The following IKZF3 variants were observed in gnomAD, a reference collection of about 807,000 sequenced individuals.
IKZF3 encodes zinc finger protein Aiolos.
IKZF3 carries 10 observed loss-of-function variants against 49.0 expected under a neutral mutation model. The ratio of observed to expected loss-of-function variants is 0.20; its 90% confidence interval spans 0.13 to 0.35. The LOEUF is 0.35. Ranked by LOEUF, IKZF3 falls within the 10% of genes least tolerant of loss-of-function variation. The pLI, the probability that IKZF3 is intolerant of heterozygous loss-of-function variation, is 1.00. For synonymous variants in IKZF3, 209 were observed against 228.2 expected (o/e 0.92, Z 0.76); for missense variants, 498 against 664.8 (o/e 0.75, Z 2.76).
intron 1 of IKZF3, among the ~76,000 whole-genome samples, chr17:39,841,055 T>G (rs748379430): frequency 3.9e-5 from 6 of 152,034 alleles, no homozygotes; most frequent in Non-Finnish European, 7.4e-5. Flanking sequence ...CATGAGCCTG[T>G]AGTCCCAGTC....
intron 1 of IKZF3, among the ~76,000 whole-genome samples, chr17:39,859,590 T>C (rs1397025778): frequency 1.3e-5 from 2 of 152,100 alleles, no homozygotes; most frequent in Admixed American, 1.3e-4. Flanking sequence ...GGTTTTACCA[T>C]GTTGCCCAGG....
At position 39,765,811 on chromosome 17, in the gene IKZF3, T is replaced by G; in HGVS notation, c.1509A>C (p.Glu503Asp). Residue 503 changes from glutamate to aspartate, a missense_variant, in exon 8 of 8, where the codon GAA (glutamate) becomes GAC (aspartate). By Grantham distance (45) the Glu-to-Asp change is conservative. Coordinates refer to ENST00000346872, the MANE Select transcript of IKZF3 (RefSeq NM_012481.5). ...ATATTCACTTCAGCAGGGCTCTGTG[T>G]TCTCCTCTGGCTATGTGAGACGAGA... is the stretch of plus-strand genomic sequence containing the variant. ...YEFSSHIARG[E>D]HRALLK 1 of 1,607,104 alleles carries G rather than the reference T, an allele frequency of 6.2e-7. No individual in the cohort carries two copies. Among genetic ancestry groups the G allele is most frequent in the Non-Finnish European group, 8.5e-7 (1 of 1,174,542 alleles).
intron 3 of IKZF3, among the ~76,000 whole-genome samples, chr17:39,802,563 T>C (rs937273905): frequency 6.7e-5 from 10 of 148,278 alleles, no homozygotes; most frequent in Non-Finnish European, 1.3e-4. Flanking sequence ...GCTGTGTTCA[T>C]GCCATTGCAC....
intron 3 of IKZF3, among the ~76,000 whole-genome samples, chr17:39,819,159 T>C (rs2061745217): frequency 6.6e-6 from 1 of 152,232 alleles, no homozygotes; most frequent in Non-Finnish European, 1.5e-5. Context: ...ATGGAAATTA[T>C]TGGTTTCTTG....
At chr17:39,843,763 C>T (rs1441661187) in intron 1 of IKZF3, among the ~76,000 whole-genome samples, 1 of 150,186 alleles carries the variant, frequency 6.7e-6, no homozygotes, top group Non-Finnish European at 1.5e-5. Flanking sequence ...GCCGAGATGG[C>T]ACCACTGCAC....
At chr17:39,831,272 G>C (rs936130406) in intron 2 of IKZF3, among the ~76,000 whole-genome samples, 1 of 152,022 alleles carries the variant, frequency 6.6e-6, no homozygotes, top group Non-Finnish European at 1.5e-5. Context: ...TACTCAGGAG[G>C]CTGAGGCAGG....
At chr17:39,847,800 A>C (rs1045592634) in intron 1 of IKZF3, among the ~76,000 whole-genome samples, 2 of 152,238 alleles carry the variant, frequency 1.3e-5, no homozygotes, top group Non-Finnish European at 2.9e-5. Context: ...AAAAACATAA[A>C]GGCCAGTAAT....
intron 1 of IKZF3, among the ~76,000 whole-genome samples, chr17:39,855,453 A>G (rs907007001): frequency 6.6e-6 from 1 of 152,120 alleles, no homozygotes; most frequent in Non-Finnish European, 1.5e-5. Flanking sequence ...TCCCTCCCCA[A>G]ATTGGATTAC....
chr17:39,852,674 G>T (rs1158970824), intron 1 of IKZF3, among the ~76,000 whole-genome samples: 3 of 151,930 alleles, frequency 2.0e-5, no homozygotes, highest in Non-Finnish European at 4.4e-5. Context: ...CATTCCCTTG[G>T]CTTTAAATAT....
At chr17:39,842,963 T>C (rs1159144370) in intron 1 of IKZF3, among the ~76,000 whole-genome samples, 1 of 152,160 alleles carries the variant, frequency 6.6e-6, no homozygotes, top group East Asian at 1.9e-4. Context: ...CTGCCAAATA[T>C]GCAAAACACA....
intron 3 of IKZF3, among the ~76,000 whole-genome samples, chr17:39,828,270 G>T (rs531161254): frequency 6.6e-6 from 1 of 152,158 alleles, no homozygotes; most frequent in African/African-American, 2.4e-5. Context: ...CAGATGTATT[G>T]CCTAGTGGTA....
At chr17:39,778,235 T>C in intron 6 of IKZF3, 1 of 948,626 alleles carries the variant, frequency 1.1e-6, no homozygotes, top group African/African-American at 1.8e-5. Context: ...ATAGGTACAC[T>C]CACACAGATA....
intron 6 of IKZF3, among the ~76,000 whole-genome samples, chr17:39,781,834 A>G (rs746021000): frequency 4.4e-4 from 67 of 152,202 alleles, no homozygotes; most frequent in Non-Finnish European, 8.4e-4. Context: ...TTTCCAGATA[A>G]ACATTATTCT....
At position 39,793,057 on chromosome 17, in the gene IKZF3, C is replaced by T. The variant is rs898547083; in HGVS notation, c.164-124G>A. Reference sequence around the variant, plus strand: ...TCGAAGCTAACAAAACACTGTACATCTACAAAACAAGAAAGCACCATTAGC... The same window carrying T: ...TCGAAGCTAACAAAACACTGTACATTTACAAAACAAGAAAGCACCATTAGC... On this transcript the variant is annotated intron_variant, in intron 3 of 7. Transcript: ENST00000346872. 3 of 965,616 alleles carry T rather than the reference C, an allele frequency of 3.1e-6. No homozygotes were observed. In the African/African-American group the frequency reaches 4.9e-5, roughly 16 times the overall value. The allele number at this position is 965,616 out of a possible 1,614,324, so 59.8% of individuals were successfully genotyped here.
chr17:39,812,351 C>T (rs1179430248), intron 3 of IKZF3, among the ~76,000 whole-genome samples: 1 of 152,130 alleles, frequency 6.6e-6, no homozygotes, highest in Non-Finnish European at 1.5e-5. Context: ...TTTGATAGTT[C>T]TGATGAGCCA....
intron 1 of IKZF3, among the ~76,000 whole-genome samples, chr17:39,846,633 C>CTAT (rs2062641630): frequency 6.6e-6 from 1 of 151,712 alleles, no homozygotes; most frequent in South Asian, 2.1e-4. Flanking sequence ...AATGCTTTAC[C>CTAT]TATTAGTTCA....
At chr17:39,839,593 T>A (rs2062405417) in intron 1 of IKZF3, 1 of 439,344 alleles carries the variant, frequency 2.3e-6, no homozygotes, top group African/African-American at 2.2e-5. Context: ...TCTTTATTTT[T>A]ATTTTTTTTA....
chr17:39,811,299 GAGAA>G (rs1278527635), intron 3 of IKZF3, among the ~76,000 whole-genome samples: 2 of 137,272 alleles, frequency 1.5e-5, no homozygotes, highest in African/African-American at 6.2e-5. Flanking sequence ...AATAAAAAAA[GAGAA>G]AGAGAAAGAG....
rs1250519378 is a variant in IKZF3 at position 39,764,784 on chromosome 17, T to C, written c.*1006A>G. 3 of 152,166 alleles carry C rather than the reference T, an allele frequency of 2.0e-5. No individual in the cohort carries two copies. The highest frequency in any genetic ancestry group is 2.0e-4 in the Admixed American group (3 of 15,274). 9.4% of individuals were successfully genotyped at this position (152,166 alleles called of 1,614,324 possible). ...AGCTCAACTCCGATCTAAACACACA[T>C]GCCATCTATCTCCAATTCCTCTCCT... On this transcript the variant is annotated 3_prime_UTR_variant, in exon 8 of 8. Coordinates refer to ENST00000346872, the MANE Select transcript of IKZF3 (RefSeq NM_012481.5).
Sources: gnomAD v4.1 joint callset for allele counts (sites outside exome capture counted in the v4.1 genomes callset) on GRCh38, gnomAD v4.1.1 for gene constraint, MANE v1.5 for transcripts, NCBI Gene and HGNC (gene_info 2026-07-23, HGNC 2026-07-21) for gene names.